The following CCR1 variants were observed in gnomAD, a reference collection of about 807,000 sequenced individuals.
The protein encoded by CCR1 is C-C chemokine receptor type 1.
In CCR1, 1 loss-of-function variant was observed where a neutral mutation model predicts 0.3. That is an observed-to-expected ratio of 3.70 (90% CI 1.31 to 17.54). The LOEUF (loss-of-function observed/expected upper bound fraction) is 17.54. CCR1 is among the 30% of genes most tolerant of loss of function. CCR1 has a pLI of 0.11. For missense variants in CCR1, 349 were observed against 435.4 expected (o/e 0.80, Z 1.77); for synonymous variants, 207 against 182.5 (o/e 1.13, Z -1.08).
rs200000908 is a variant in CCR1 at position 46,203,456 on chromosome 3, C to T, written c.858G>A (p.Thr286=). 25 of 1,614,126 alleles carry T rather than the reference C, an allele frequency of 1.5e-5. No individual in the cohort carries two copies. The East Asian group carries it at 2.0e-4, about 13-fold the overall frequency. ...AGCAGTGCGTGTAGGCGATCACCTC[C>T]GTCACTTGCACAGCCAGGTCCAAAT... ...SRHLDLAVQV[T]EVIAYTHCCV... The change falls in exon 2 of 2, where the codon ACG becomes ACA. Residue 286 remains threonine, a synonymous_variant. Transcript: ENST00000296140. The surrounding 1 kb of genome is among the most constrained non-coding windows in gnomAD (Gnocchi z 4.5).
intron 1 of CCR1, among the ~76,000 whole-genome samples, chr3:46,204,968 C>G (rs1699634001): frequency 2.0e-5 from 3 of 152,208 alleles, no homozygotes; most frequent in Non-Finnish European, 4.4e-5. Context: ...AAGATACAAA[C>G]AGATATTCAT....
rs199655464 is a variant in CCR1 at position 46,204,174 on chromosome 3, A to G, written c.140T>C (p.Ile47Thr). Residue 47 changes from isoleucine (I) to threonine (T), a missense_variant, in exon 2 of 2, where the codon ATT (isoleucine) becomes ACT (threonine). Transcript: ENST00000296140. ...LPPLYSLVFV[I>T]GLVGNILVVL... Reference sequence around the variant, plus strand: ...CACCAGGATGTTTCCAACCAGGCCAATGACAAATACCAAGGAGTACAGAGG... The same window carrying G: ...CACCAGGATGTTTCCAACCAGGCCAGTGACAAATACCAAGGAGTACAGAGG... 11 of 1,614,014 alleles carry G rather than the reference A, an allele frequency of 6.8e-6. No individual in the cohort carries two copies. The African/African-American group carries it at 1.2e-4, about 18-fold the overall frequency.
At position 46,203,954 on chromosome 3, in the gene CCR1, C is replaced by T. The variant is rs1699623196; in HGVS notation, c.360G>A (p.Glu120=). The part of the protein sequence containing the change: ...SGFYYTGLYS[E]IFFIILLTID... The stretch of plus-strand genomic sequence containing the variant: ...TCGTCAGCAGGATGATGAAAAAGAT[C>T]TCGCTGTACAAGCCTGTGTAATAAA... The change falls in exon 2 of 2, where the codon GAG becomes GAA. Residue 120 remains glutamate, a synonymous_variant. Coordinates refer to ENST00000296140, the MANE Select transcript of CCR1 (RefSeq NM_001295.3). The surrounding 1 kb of genome is among the most constrained non-coding windows in gnomAD (Gnocchi z 4.5). The T allele has an allele frequency of 6.2e-7, 1 of 1,614,184 alleles. No individual in the cohort carries two copies. The highest frequency in any genetic ancestry group is 8.5e-7 in the Non-Finnish European group (1 of 1,180,030).
intron 1 of CCR1, among the ~76,000 whole-genome samples, chr3:46,207,239 G>C (rs1028429130): frequency 6.6e-6 from 1 of 152,188 alleles, no homozygotes; most frequent in Admixed American, 6.5e-5. Flanking sequence ...GGATCAGTGA[G>C]TGGCACATAG....
In CCR1 at chr3:46,202,616, C is replaced by T. The variant is rs757165569; in HGVS notation, c.*630G>A. On this transcript the variant is annotated 3_prime_UTR_variant, in exon 2 of 2. Transcript: ENST00000296140. ...TCCCCATTTCTATTTCTCGTTAGGT[C>T]TCAACTCTTCCGTCATGAGTTCTAT... is the stretch of plus-strand genomic sequence containing the variant. 4 of 152,156 alleles carry T rather than the reference C, an allele frequency of 2.6e-5. No individual in the cohort carries two copies. Among genetic ancestry groups the T allele is most frequent in the Non-Finnish European group, 4.4e-5 (3 of 68,052 alleles). The allele number at this position is 152,156 out of a possible 1,614,324, so 9.4% of individuals were successfully genotyped here. A position where few individuals can be genotyped will look rare whatever the true frequency, so the allele number is the denominator to read the frequency against.
chr3:46,203,043 C>T lies in CCR1; in HGVS notation c.*203G>A. 1.9e-6 allele frequency: 1 copy of T among 528,870 alleles called. No homozygotes were observed. Among genetic ancestry groups the T allele is most frequent in the Non-Finnish European group, 3.4e-6 (1 of 298,400 alleles). 32.8% of individuals were successfully genotyped at this position (528,870 alleles called of 1,614,324 possible). On this transcript the variant is annotated 3_prime_UTR_variant, in exon 2 of 2. Transcript: ENST00000296140. This position sits in a 1 kb window ranked among gnomAD's most constrained non-coding sequence, Gnocchi z 4.5. Reference sequence around the variant, plus strand: ...GTTTTGCTCATTCATCTTCTTTCTACCAGGGGAGAAGTTCATGGAAAAGAC... The same window carrying T: ...GTTTTGCTCATTCATCTTCTTTCTATCAGGGGAGAAGTTCATGGAAAAGAC...
In CCR1 at chr3:46,204,047, G is replaced by A. The variant is rs1291136287; in HGVS notation, c.267C>T (p.Phe89=). 2.5e-6 allele frequency: 4 copies of A among 1,614,224 alleles called. No homozygotes were observed. The Admixed American group carries it at 6.7e-5, about 27-fold the overall frequency. Residue 89 remains phenylalanine (F), a synonymous_variant, in exon 2 of 2, where the codon TTC becomes TTT. Transcript: ENST00000296140. ...SDLLFLFTLP[F]WIDYKLKDDW... ...CATCCTTCAACTTGTAGTCGATCCA[G>A]AAGGGAAGCGTGAACAGGAAGAGCA...
In CCR1 at chr3:46,203,424, T is replaced by C; in HGVS notation, c.890A>G (p.Asn297Ser). The change falls in exon 2 of 2, where the codon AAC becomes AGC. Residue 297 changes from asparagine (N) to serine (S), a missense_variant. Asn to Ser is a conservative substitution (Grantham distance 46). Coordinates refer to ENST00000296140, the MANE Select transcript of CCR1 (RefSeq NM_001295.3). The surrounding 1 kb of genome is among the most constrained non-coding windows in gnomAD (Gnocchi z 4.5). Reference sequence around the variant, plus strand: ...ACCAACGAAGGCGTAGATCACTGGGTTGACACAGCAGTGCGTGTAGGCGAT... The same window carrying C: ...ACCAACGAAGGCGTAGATCACTGGGCTGACACAGCAGTGCGTGTAGGCGAT... ...EVIAYTHCCV[N>S]PVIYAFVGER... The C allele has an allele frequency of 6.2e-7, 1 of 1,614,160 alleles. No individual in the cohort carries two copies. Among genetic ancestry groups the C allele is most frequent in the South Asian group, 1.1e-5 (1 of 91,080 alleles).
chr3:46,204,327 A>C lies in CCR1; in HGVS notation c.-11-3T>G. 6.7e-7 allele frequency: 1 copy of C among 1,492,540 alleles called. No individual in the cohort carries two copies. Among genetic ancestry groups the C allele is most frequent in the Non-Finnish European group, 8.9e-7 (1 of 1,121,528 alleles). The allele number at this position is 1,492,540 out of a possible 1,614,324, so 92.5% of individuals were successfully genotyped here. On this transcript the variant is annotated splice_polypyrimidine_tract_variant and splice_region_variant and intron_variant, in intron 1 of 1. Transcript: ENST00000296140. ...TGGAGTTTCCATCCCGGCTTCTCCT[A>C]CAGGTTAAAAAAAAAAAAAAGATTT...
intron 1 of CCR1, among the ~76,000 whole-genome samples, chr3:46,207,920 G>A (rs1198782069): frequency 6.6e-6 from 1 of 152,116 alleles, no homozygotes; most frequent in Non-Finnish European, 1.5e-5. Flanking sequence ...GATTACAGCC[G>A]TGAGCCACTG....
Position 46,203,381 on chromosome 3 carries a change from G to T in CCR1, c.933C>A (p.Tyr311Ter). ...CACGCCTGTGGAACAACTGCCGCAGGTACTTCCGGAACCTCTCACCAACGA... is the reference window on the plus strand; with the variant it reads ...CACGCCTGTGGAACAACTGCCGCAGTTACTTCCGGAACCTCTCACCAACGA... ...YAFVGERFRKYLRQLFHRRVA... is the reference protein window; with the variant it reads ...YAFVGERFRK The change falls in exon 2 of 2, where the codon TAC (tyrosine) becomes TAA (stop). Residue 311 changes from tyrosine to a stop codon, truncating the protein, a stop_gained. Coordinates refer to ENST00000296140, the MANE Select transcript of CCR1 (RefSeq NM_001295.3). LOFTEE classifies it low-confidence loss of function (END_TRUNC). The surrounding 1 kb of genome is among the most constrained non-coding windows in gnomAD (Gnocchi z 4.5). 6.2e-7 allele frequency: 1 copy of T among 1,614,148 alleles called. No homozygotes were observed. The highest frequency in any genetic ancestry group is 8.5e-7 in the Non-Finnish European group (1 of 1,180,022).
In CCR1 at chr3:46,203,291, G is replaced by A; in HGVS notation, c.1023C>T (p.Ser341=). 1 of 1,614,154 alleles carries A rather than the reference G, an allele frequency of 6.2e-7. No homozygotes were observed. Residue 341 remains serine (S), a synonymous_variant, in exon 2 of 2, where the codon TCC becomes TCT. Coordinates refer to ENST00000296140, the MANE Select transcript of CCR1 (RefSeq NM_001295.3). The surrounding 1 kb of genome is among the most constrained non-coding windows in gnomAD (Gnocchi z 4.5). Reference sequence around the variant, plus strand: ...CATGCTCCCCTGTGGAGGGAGATGTGGAGCTGACCCTCTCCAGCCTGTCCA... The same window carrying A: ...CATGCTCCCCTGTGGAGGGAGATGTAGAGCTGACCCTCTCCAGCCTGTCCA... The part of the protein sequence containing the change: ...LSVDRLERVS[S]TSPSTGEHEL...
Position 46,203,539 on chromosome 3 carries a change from T to C in CCR1, c.775A>G (p.Ile259Val). ...FLFWTPYNLT[I>V]LISVFQDFLF... ...AAGTCTTGGAAAACAGAAATAAGTATAGTCAAATTGTAGGGGGTCCAAAAG... is the reference window on the plus strand; with the variant it reads ...AAGTCTTGGAAAACAGAAATAAGTACAGTCAAATTGTAGGGGGTCCAAAAG... Residue 259 changes from isoleucine to valine, a missense_variant, in exon 2 of 2, where the codon ATA (isoleucine) becomes GTA (valine). Coordinates refer to ENST00000296140, the MANE Select transcript of CCR1 (RefSeq NM_001295.3). The surrounding 1 kb of genome is among the most constrained non-coding windows in gnomAD (Gnocchi z 4.5). 1 of 1,614,070 alleles carries C rather than the reference T, an allele frequency of 6.2e-7. No individual in the cohort carries two copies. Among genetic ancestry groups the C allele is most frequent in the Non-Finnish European group, 8.5e-7 (1 of 1,179,996 alleles).
chr3:46,203,659 A>G lies in CCR1; in HGVS notation c.655T>C (p.Tyr219His), dbSNP rs200395804. ...VLPLLVMIIC[Y>H]TGIIKILLRR... The stretch of plus-strand genomic sequence containing the variant: ...AGCAGAATCTTTATAATCCCTGTGT[A>G]GCAGATGATCATGACCAACAAAGGC... The change falls in exon 2 of 2, where the codon TAC becomes CAC. Residue 219 changes from tyrosine to histidine, a missense_variant. By Grantham distance (83) the Tyr-to-His change is moderately conservative. Transcript: ENST00000296140. This position sits in a 1 kb window ranked among gnomAD's most constrained non-coding sequence, Gnocchi z 4.5. 1.9e-6 allele frequency: 3 copies of G among 1,614,212 alleles called. No homozygotes were observed. The highest frequency in any genetic ancestry group is 2.5e-6 in the Non-Finnish European group (3 of 1,180,026).
rs1559519667 is a variant in CCR1, at chr3:46,202,227, T to TTATTA, written c.*1018_*1019insTAATA. 6.6e-6 allele frequency: 1 copy of TTATTA among 151,420 alleles called. No homozygotes were observed. The highest frequency in any genetic ancestry group is 2.4e-5 in the African/African-American group (1 of 41,232). The allele number at this position is 151,420 out of a possible 1,614,324, so 9.4% of individuals were successfully genotyped here. A position where few individuals can be genotyped will look rare whatever the true frequency, so the allele number is the denominator to read the frequency against. On this transcript the variant is annotated 3_prime_UTR_variant, in exon 2 of 2. Coordinates refer to ENST00000296140, the MANE Select transcript of CCR1 (RefSeq NM_001295.3). The stretch of plus-strand genomic sequence containing the variant: ...AGCAGGCCTTATTATTATTATTATT[T>TTATTA]TTTTTTTTTGCTGACAAGTCCAAGA...
Position 46,203,438 on chromosome 3 carries a change from C to G in CCR1, c.876G>C (p.Thr292=). ...AGATCACTGGGTTGACACAGCAGTG[C>G]GTGTAGGCGATCACCTCCGTCACTT... ...AVQVTEVIAY[T]HCCVNPVIYA... Residue 292 remains threonine (T), a synonymous_variant, in exon 2 of 2, where the codon ACG becomes ACC. Transcript: ENST00000296140. The surrounding 1 kb of genome is among the most constrained non-coding windows in gnomAD (Gnocchi z 4.5). The G allele has an allele frequency of 6.2e-7, 1 of 1,614,146 alleles. No homozygotes were observed. The highest frequency in any genetic ancestry group is 8.5e-7 in the Non-Finnish European group (1 of 1,180,026).
At chr3:46,207,078 G>A (rs1172616417) in intron 1 of CCR1, among the ~76,000 whole-genome samples, 1 of 152,130 alleles carries the variant, frequency 6.6e-6, no homozygotes, top group Admixed American at 6.5e-5. Context: ...CCACAGTGGG[G>A]GCATTTATAC....
In CCR1 at chr3:46,203,699, G is replaced by A. The variant is rs1332977163; in HGVS notation, c.615C>T (p.Leu205=). ...CCAACAAAGGCAATACCAGCCCAAA[G>A]AGGTTCAGTTTCAGAGCCTGAAACA... ...WKLFQALKLN[L]FGLVLPLLVM... is the part of the protein sequence containing the mutation. Residue 205 remains leucine, a synonymous_variant, in exon 2 of 2, where the codon CTC becomes CTT. Coordinates refer to ENST00000296140, the MANE Select transcript of CCR1 (RefSeq NM_001295.3). This position sits in a 1 kb window ranked among gnomAD's most constrained non-coding sequence, Gnocchi z 4.5. 1.2e-6 allele frequency: 2 copies of A among 1,614,182 alleles called. No homozygotes were observed. Among genetic ancestry groups the A allele is most frequent in the Admixed American group, 3.3e-5 (2 of 60,030 alleles).
rs111926601 is a variant in CCR1, at chr3:46,203,834, C to G, written c.480G>C (p.Leu160=). The G allele has an allele frequency of 1.3e-5, 21 of 1,614,140 alleles. No individual in the cohort carries two copies. The African/African-American group carries it at 1.7e-4, about 13-fold the overall frequency. The change falls in exon 2 of 2, where the codon CTG becomes CTC. Residue 160 remains leucine (L), a synonymous_variant. Coordinates refer to ENST00000296140, the MANE Select transcript of CCR1 (RefSeq NM_001295.3). This position sits in a 1 kb window ranked among gnomAD's most constrained non-coding sequence, Gnocchi z 4.5. ...AGCCTGGCATGGAAGCCAAGATGGC[C>G]AGGGCCCAAATGATGATGCTGGTGA... ...GVITSIIIWA[L]AILASMPGLY...
Sources: gnomAD v4.1 joint callset for allele counts (sites outside exome capture counted in the v4.1 genomes callset) on GRCh38, gnomAD v4.1.1 for gene constraint, Gnocchi (gnomAD v3.1) non-coding constraint, MANE v1.5 for transcripts, NCBI Gene and HGNC (gene_info 2026-07-23, HGNC 2026-07-21) for gene names.